Variants in IL17RA observed in about 807,000 individuals in gnomAD.
IL17RA encodes interleukin-17 receptor A.
In IL17RA, 34 loss-of-function variants were observed where a neutral mutation model predicts 50.4. The ratio of observed to expected loss-of-function variants is 0.67; its 90% confidence interval spans 0.51 to 0.90. IL17RA has a LOEUF of 0.90. IL17RA is among the 40% of genes least tolerant of loss of function. The pLI is 0.00. For synonymous variants in IL17RA, 585 were observed against 510.4 expected, an observed-to-expected ratio of 1.15 and a Z score of -1.97; for missense variants, 1,276 against 1,169.8, an observed-to-expected ratio of 1.09 and a Z score of -1.32.
rs1487756841 is a variant in IL17RA, at chr22:17,085,174, C to T, written c.83C>T (p.Pro28Leu). The T allele has an allele frequency of 9.8e-6, 15 of 1,525,062 alleles. No individual in the cohort carries two copies. Among genetic ancestry groups the T allele is most frequent in the East Asian group, 7.7e-5 (3 of 39,128 alleles). The allele number at this position is 1,525,062 out of a possible 1,614,324, so 94.5% of individuals were successfully genotyped here. The change falls in exon 1 of 13, where the codon CCG becomes CTG. Residue 28 changes from proline to leucine, a missense_variant. By Grantham distance (98) the Pro-to-Leu change is moderately conservative. Transcript: ENST00000319363. ...CTGCTGCTCCTGGGCGTGCTGGCCC[C>T]GGGTGGCGCCTCCCTGCGACTCCTG... Reference protein sequence around the residue: ...LLLLLLGVLAPGGASLRLLDH... With the variant: ...LLLLLLGVLALGGASLRLLDH...
chr22:17,100,062 G>A (rs2061384301), intron 4 of IL17RA, among the ~76,000 whole-genome samples: 1 of 151,902 alleles, frequency 6.6e-6, no homozygotes, highest in African/African-American at 2.4e-5. Flanking sequence ...GAGGGCAGGT[G>A]GGAGGGGTGG....
Position 17,085,141 on chromosome 22 carries a change from G to A in IL17RA, c.50G>A (p.Gly17Glu). Residue 17 changes from glycine to glutamate, a missense_variant, in exon 1 of 13, where the codon GGG becomes GAG. Physicochemically the swap from Gly to Glu is moderately conservative, Grantham distance 98. Transcript: ENST00000319363. ...TCCGCTGTCCCGGGGCCCCTGCTGGGGCTGCTCCTGCTGCTCCTGGGCGTG... is the reference window on the plus strand; with the variant it reads ...TCCGCTGTCCCGGGGCCCCTGCTGGAGCTGCTCCTGCTGCTCCTGGGCGTG... Reference protein sequence around the residue: ...PPSAVPGPLLGLLLLLLGVLA... With the variant: ...PPSAVPGPLLELLLLLLGVLA... 3 of 1,504,932 alleles carry A rather than the reference G, an allele frequency of 2.0e-6. No individual in the cohort carries two copies. Among genetic ancestry groups the A allele is most frequent in the Non-Finnish European group, 2.6e-6 (3 of 1,132,222 alleles). 93.2% of individuals were successfully genotyped at this position (1,504,932 alleles called of 1,614,324 possible).
chr22:17,097,893 A>G lies in IL17RA; in HGVS notation c.260A>G (p.Gln87Arg), dbSNP rs754359661. Residue 87 changes from glutamine (Q) to arginine (R), a missense_variant, in exon 3 of 13, where the codon CAA becomes CGA. Coordinates refer to ENST00000319363, the MANE Select transcript of IL17RA (RefSeq NM_014339.7). ...CAGCTGCACTTTGCCCACACCCAAC[A>G]AGGAGACCTGTTCCCCGTGGCTCAC... ...QIQLHFAHTQ[Q>R]GDLFPVAHIE... The G allele has an allele frequency of 3.7e-6, 6 of 1,613,988 alleles. No individual in the cohort carries two copies. In the African/African-American group the frequency reaches 6.7e-5, roughly 18 times the overall value.
Position 17,102,313 on chromosome 22 carries a change from TC to T in IL17RA, c.762+12del. ...CACCACATACCTGCGGTAACTCTGCTCTTTTTGACCCCTCTAGCATAGCTCA... is the reference window on the plus strand; with the variant it reads ...CACCACATACCTGCGGTAACTCTGCTTTTTTGACCCCTCTAGCATAGCTCA... On this transcript the variant is annotated intron_variant, in intron 7 of 12. Coordinates refer to ENST00000319363, the MANE Select transcript of IL17RA (RefSeq NM_014339.7). 1 of 1,614,088 alleles carries T rather than the reference TC, an allele frequency of 6.2e-7. No individual in the cohort carries two copies. Among genetic ancestry groups the T allele is most frequent in the Non-Finnish European group, 8.5e-7 (1 of 1,179,990 alleles).
chr22:17,090,174 C>T (rs2123790940), intron 1 of IL17RA, among the ~76,000 whole-genome samples: 1 of 152,300 alleles, frequency 6.6e-6, no homozygotes, highest in East Asian at 1.9e-4. Flanking sequence ...AGGCGCACGC[C>T]TCCATGCCTG....
At chr22:17,088,483 CGA>C (rs1250046500) in intron 1 of IL17RA, among the ~76,000 whole-genome samples, 1 of 151,554 alleles carries the variant, frequency 6.6e-6, no homozygotes, top group Non-Finnish European at 1.5e-5. Flanking sequence ...TACACCCAGC[CGA>C]TTTTTGTTTT....
chr22:17,094,691 CTATA>C (rs1188416715), intron 1 of IL17RA, among the ~76,000 whole-genome samples: 10 of 24,696 alleles, frequency 4.0e-4, no homozygotes, highest in East Asian at 2.1e-3. Flanking sequence ...CTCTCTCTCT[CTATA>C]TATATATATA....
rs2061433997 is a variant in IL17RA at position 17,109,976 on chromosome 22, C to T, written c.*156C>T. ...CTGGATTTTAATCCCAGGCATCCCT[C>T]CTAACTTTTCTTTGTGCAGCGGTCT... On this transcript the variant is annotated 3_prime_UTR_variant, in exon 13 of 13. Transcript: ENST00000319363. 5.1e-6 allele frequency: 4 copies of T among 785,358 alleles called. No homozygotes were observed. The South Asian group carries it at 7.2e-5, about 14-fold the overall frequency. 48.6% of individuals were successfully genotyped at this position (785,358 alleles called of 1,614,324 possible).
chr22:17,096,965 T>A, intron 1 of IL17RA, 97 bp from the exon 2 acceptor site: 2 of 1,086,618 alleles, frequency 1.8e-6, no homozygotes, highest in Admixed American at 3.4e-5. Context: ...GCTGTGTAGA[T>A]GGCATTCCTG....
chr22:17,088,279 G>A (rs1329423551), intron 1 of IL17RA, among the ~76,000 whole-genome samples: 2 of 152,146 alleles, frequency 1.3e-5, no homozygotes, highest in Non-Finnish European at 2.9e-5. Flanking sequence ...CACCTTGTGG[G>A]TAGAGAATAG....
chr22:17,098,690 A>G, intron 3 of IL17RA, 85 bp from the exon 4 acceptor site: 1 of 1,072,942 alleles, frequency 9.3e-7, no homozygotes. Flanking sequence ...GGAGTGAACA[A>G]CCGCAACAGA....
At position 17,108,442 on chromosome 22, in the gene IL17RA, C is replaced by T. The variant is rs2061423004; in HGVS notation, c.1223C>T (p.Thr408Met). The stretch of plus-strand genomic sequence containing the variant: ...CAGTTCCTGCTCACCGCCTGCGGCA[C>T]GGAAGTGGCCCTGGACCTGCTGGAA... The part of the protein sequence containing the change: ...FAQFLLTACG[T>M]EVALDLLEEQ... Residue 408 changes from threonine (T) to methionine (M), a missense_variant, in exon 13 of 13, where the codon ACG (threonine) becomes ATG (methionine). Coordinates refer to ENST00000319363, the MANE Select transcript of IL17RA (RefSeq NM_014339.7). 2 of 1,613,946 alleles carry T rather than the reference C, an allele frequency of 1.2e-6. No individual in the cohort carries two copies. Among genetic ancestry groups the T allele is most frequent in the East Asian group, 2.2e-5 (1 of 44,880 alleles).
Position 17,110,030 on chromosome 22 carries a change from C to T in IL17RA, c.*210C>T. On this transcript the variant is annotated 3_prime_UTR_variant, in exon 13 of 13. Coordinates refer to ENST00000319363, the MANE Select transcript of IL17RA (RefSeq NM_014339.7). ...TATCGTCTATCCCCAGGGGAATCCA[C>T]ACAGCCCGCTCCCAGGAGCTAATGG... The T allele has an allele frequency of 1.7e-6, 1 of 598,760 alleles. No individual in the cohort carries two copies. Among genetic ancestry groups the T allele is most frequent in the Non-Finnish European group, 2.9e-6 (1 of 339,456 alleles). 37.1% of individuals were successfully genotyped at this position (598,760 alleles called of 1,614,324 possible).
intron 9 of IL17RA, 120 bp downstream of exon 9, chr22:17,104,930 T>C (rs2061408140): frequency 6.5e-6 from 6 of 918,970 alleles, no homozygotes; most frequent in South Asian, 5.6e-5. Flanking sequence ...TTAGTTTAAC[T>C]TGGAGTCCTT....
Position 17,102,259 on chromosome 22 carries a change from T to G in IL17RA, c.719T>G (p.Met240Arg), listed in dbSNP as rs780107646. 5 of 1,614,040 alleles carry G rather than the reference T, an allele frequency of 3.1e-6. No individual in the cohort carries two copies. The highest frequency in any genetic ancestry group is 4.2e-6 in the Non-Finnish European group (5 of 1,180,044). Residue 240 changes from methionine (M) to arginine (R), a missense_variant, in exon 7 of 13, where the codon ATG becomes AGG. Coordinates refer to ENST00000319363, the MANE Select transcript of IL17RA (RefSeq NM_014339.7). ...ATCCTGCTGACCAGTTTTCCGCACA[T>G]GGAGAACCACAGTTGCTTTGAGCAC... ...YQILLTSFPH[M>R]ENHSCFEHMH...
Position 17,108,967 on chromosome 22 carries a change from A to C in IL17RA, c.1748A>C (p.Asp583Ala). 1.2e-6 allele frequency: 2 copies of C among 1,605,978 alleles called. No homozygotes were observed. Among genetic ancestry groups the C allele is most frequent in the Non-Finnish European group, 1.7e-6 (2 of 1,178,888 alleles). ...CGGGACTGGCAGGTCCGCTGTCCCG[A>C]CTGGTTCGAATGTGAGAACCTCTAC... ...RFRDWQVRCP[D>A]WFECENLYSA... is the part of the protein sequence containing the mutation. Residue 583 changes from aspartate (D) to alanine (A), a missense_variant, in exon 13 of 13, where the codon GAC becomes GCC. Physicochemically the swap from Asp to Ala is moderately radical, Grantham distance 126 (BLOSUM62 -2). Coordinates refer to ENST00000319363, the MANE Select transcript of IL17RA (RefSeq NM_014339.7).
intron 1 of IL17RA, among the ~76,000 whole-genome samples, chr22:17,096,670 A>T (rs1486302763): frequency 6.6e-6 from 1 of 152,080 alleles, no homozygotes; most frequent in African/African-American, 2.4e-5. Flanking sequence ...GGAGATCGAG[A>T]TCATCCTGGC....
intron 10 of IL17RA, 119 bp downstream of exon 10, chr22:17,105,721 G>GC (rs969401408): frequency 1.3e-5 from 17 of 1,277,276 alleles, no homozygotes; most frequent in South Asian, 6.1e-5. Flanking sequence ...AGCCCGGGGT[G>GC]GGGGGTGAGA....
In IL17RA at chr22:17,109,468, G is replaced by C. The variant is rs944233818; in HGVS notation, c.2249G>C (p.Gly750Ala). 1 of 1,612,820 alleles carries C rather than the reference G, an allele frequency of 6.2e-7. No homozygotes were observed. The highest frequency in any genetic ancestry group is 8.5e-7 in the Non-Finnish European group (1 of 1,179,804). ...LPEDVREHLE[G>A]LMLSLFEQSL... is the part of the protein sequence containing the mutation. ...GAGGACGTGAGGGAGCACCTCGAAGGCTTGATGCTCTCGCTCTTCGAGCAG... is the reference window on the plus strand; with the variant it reads ...GAGGACGTGAGGGAGCACCTCGAAGCCTTGATGCTCTCGCTCTTCGAGCAG... Residue 750 changes from glycine (G) to alanine (A), a missense_variant, in exon 13 of 13, where the codon GGC becomes GCC. Coordinates refer to ENST00000319363, the MANE Select transcript of IL17RA (RefSeq NM_014339.7).
Sources: gnomAD v4.1 joint callset for allele counts (sites outside exome capture counted in the v4.1 genomes callset) on GRCh38, gnomAD v4.1.1 for gene constraint, MANE v1.5 for transcripts, NCBI Gene and HGNC (gene_info 2026-07-23, HGNC 2026-07-21) for gene names.